The following ARHGAP44 variants were observed in gnomAD, a reference collection of about 807,000 sequenced individuals.
ARHGAP44 encodes rho GTPase-activating protein 44.
Under a neutral mutation model 106.8 loss-of-function variants are expected in ARHGAP44, and 43 were observed. The observed-to-expected ratio is 0.40, with a 90% CI of 0.32 to 0.52. ARHGAP44 has a LOEUF of 0.52. Among genes scored for constraint, ARHGAP44 ranks in the 20% least tolerant of loss-of-function variants. The pLI is 0.48. For synonymous variants in ARHGAP44, 439 were observed against 410.3 expected (o/e 1.07, Z -0.85); for missense variants, 866 against 1,050.5 (o/e 0.82, Z 2.43).
intron 1 of ARHGAP44, among the ~76,000 whole-genome samples, chr17:12,801,421 G>T (rs1394904169): frequency 2.6e-5 from 4 of 152,240 alleles, no homozygotes; most frequent in African/African-American, 4.8e-5. Flanking sequence ...CTCAGAGCAG[G>T]TGAGTGCCTT....
rs4402608 is a variant in ARHGAP44 at position 12,900,731 on chromosome 17, G to A, written c.198+4220G>A. Among the ~76,000 whole-genome samples, 537 of 152,072 alleles carry A rather than the reference G, an allele frequency of 3.5e-3. 4 individuals are homozygous for A. Among genetic ancestry groups the A allele is most frequent in the African/African-American group, 0.012 (514 of 41,512 alleles). Reference sequence around the variant, plus strand: ...CAAGCATCATACTCACAGTGCATTCGCTGCTCAGACCGTGTCTTAGTGCCA... The same window carrying A: ...CAAGCATCATACTCACAGTGCATTCACTGCTCAGACCGTGTCTTAGTGCCA... On this transcript the variant is annotated intron_variant, in intron 3 of 20. Coordinates refer to ENST00000379672, the MANE Select transcript of ARHGAP44 (RefSeq NM_014859.6).
In ARHGAP44 at chr17:12,974,285, C is replaced by T; in HGVS notation, c.1738C>T (p.Leu580Phe). Residue 580 changes from leucine to phenylalanine, a missense_variant, in exon 18 of 21, where the codon CTC becomes TTC. By Grantham distance (22) the Leu-to-Phe change is conservative (BLOSUM62 0). Coordinates refer to ENST00000379672, the MANE Select transcript of ARHGAP44 (RefSeq NM_014859.6). ...APALSPSGLG[L>F]QPGPERTSTT... The stretch of plus-strand genomic sequence containing the variant: ...CGCGCTCTCTCCATCCGGCCTGGGC[C>T]TCCAGCCTGGGCCCGAGCGCACCAG... The T allele has an allele frequency of 6.8e-7, 1 of 1,470,160 alleles. No individual in the cohort carries two copies. Among genetic ancestry groups the T allele is most frequent in the Non-Finnish European group, 9.0e-7 (1 of 1,116,768 alleles). 91.1% of individuals were successfully genotyped at this position (1,470,160 alleles called of 1,614,324 possible). A position where few individuals can be genotyped will look rare whatever the true frequency, so the allele number is the denominator to read the frequency against.
intron 1 of ARHGAP44, among the ~76,000 whole-genome samples, chr17:12,802,830 T>C (rs2034136618): frequency 7.4e-6 from 1 of 134,230 alleles, no homozygotes. Context: ...GTGAGCTCGG[T>C]CCACTGCAAC....
chr17:12,909,995 C>T (rs748612741), intron 4 of ARHGAP44, among the ~76,000 whole-genome samples: 1 of 152,112 alleles, frequency 6.6e-6, no homozygotes, highest in Non-Finnish European at 1.5e-5. Flanking sequence ...ACTATGTATT[C>T]GTCAGCCACA....
At chr17:12,927,777 A>T (rs1237924127) in intron 6 of ARHGAP44, among the ~76,000 whole-genome samples, 1 of 152,180 alleles carries the variant, frequency 6.6e-6, no homozygotes, top group African/African-American at 2.4e-5. Context: ...ACTTCCCAAG[A>T]CTAAAGCCAG....
rs531033166 is a variant in ARHGAP44, at chr17:12,958,975, T to C, written c.1523+78T>C. 1.9e-4 allele frequency: 277 copies of C among 1,492,274 alleles called. No individual in the cohort carries two copies. Among genetic ancestry groups the C allele is most frequent in the Non-Finnish European group, 2.0e-4 (225 of 1,098,198 alleles). 92.4% of individuals were successfully genotyped at this position (1,492,274 alleles called of 1,614,324 possible). Reference sequence around the variant, plus strand: ...GTGGATGGGTGACGCATAAGAAAAATACAATTACGGGAAGGCTGCACTGAC... The same window carrying C: ...GTGGATGGGTGACGCATAAGAAAAACACAATTACGGGAAGGCTGCACTGAC... On this transcript the variant is annotated intron_variant, in intron 16 of 20. Coordinates refer to ENST00000379672, the MANE Select transcript of ARHGAP44 (RefSeq NM_014859.6). This position sits in a 1 kb window ranked among gnomAD's most constrained non-coding sequence, Gnocchi z 4.1.
intron 2 of ARHGAP44, 89 bp from the exon 3 acceptor site, chr17:12,896,318 A>T: frequency 4.6e-6 from 5 of 1,090,736 alleles, no homozygotes; most frequent in Non-Finnish European, 5.3e-6. Context: ...GTCTCCATGG[A>T]AACATGAGTT....
intron 7 of ARHGAP44, among the ~76,000 whole-genome samples, chr17:12,931,288 T>C (rs886808976): frequency 1.3e-5 from 2 of 151,990 alleles, no homozygotes; most frequent in African/African-American, 4.8e-5. Context: ...GCCAGGCTGG[T>C]CACAAACTCC....
chr17:12,958,727 C>T lies in ARHGAP44; in HGVS notation c.1353C>T (p.Phe451=). The change falls in exon 16 of 21, where the codon TTC becomes TTT. Residue 451 remains phenylalanine (F), a synonymous_variant. Coordinates refer to ENST00000379672, the MANE Select transcript of ARHGAP44 (RefSeq NM_014859.6). The surrounding 1 kb of genome is among the most constrained non-coding windows in gnomAD (Gnocchi z 4.1). ...ADWFFPGEIE[F]NITGNYGSPV... ...CTTTCTTCCCCGCAGAGATAGAGTT[C>T]AACATTACTGGCAATTATGGGAGTC... is the stretch of plus-strand genomic sequence containing the variant. 1 of 1,613,752 alleles carries T rather than the reference C, an allele frequency of 6.2e-7. No individual in the cohort carries two copies. Among genetic ancestry groups the T allele is most frequent in the South Asian group, 1.1e-5 (1 of 91,014 alleles).
intron 5 of ARHGAP44, among the ~76,000 whole-genome samples, chr17:12,917,104 T>C (rs35221864): frequency 0.74 from 112,183 of 152,098 alleles, 41,690 homozygotes; most frequent in East Asian, 0.98. Flanking sequence ...GGACACTCCA[T>C]CTATATAAAA....
chr17:12,927,637 C>T (rs1173522899), intron 6 of ARHGAP44, among the ~76,000 whole-genome samples: 3 of 152,144 alleles, frequency 2.0e-5, no homozygotes, highest in African/African-American at 7.2e-5. Context: ...TCAGTTGAAA[C>T]ATCTGGCAAC....
Position 12,912,089 on chromosome 17 carries a change from G to C in ARHGAP44, c.275+3116G>C, listed in dbSNP as rs568882981. On this transcript the variant is annotated intron_variant, in intron 4 of 20. Coordinates refer to ENST00000379672, the MANE Select transcript of ARHGAP44 (RefSeq NM_014859.6). The stretch of plus-strand genomic sequence containing the variant: ...GAAAGTCTCTAACCTGAAACCTGGA[G>C]ACCAAAACAATTGGGTGGATACAAT... 6.2e-4 allele frequency among the ~76,000 whole-genome samples: 94 copies of C among 152,316 alleles called. 2 individuals are homozygous for C. The South Asian group carries it at 0.019, about 31-fold the overall frequency.
intron 1 of ARHGAP44, among the ~76,000 whole-genome samples, chr17:12,807,066 T>G (rs1312604006): frequency 6.6e-6 from 1 of 152,222 alleles, no homozygotes; most frequent in Non-Finnish European, 1.5e-5. Flanking sequence ...CAGCTTATAT[T>G]GGGTTGAGTT....
At chr17:12,820,167 C>T (rs1430609233) in intron 1 of ARHGAP44, among the ~76,000 whole-genome samples, 1 of 152,080 alleles carries the variant, frequency 6.6e-6, no homozygotes, top group African/African-American at 2.4e-5. Flanking sequence ...GCAGTTGACT[C>T]TGTCACAAAT....
chr17:12,975,545 TC>T (rs1305827008), intron 18 of ARHGAP44, among the ~76,000 whole-genome samples: 1 of 152,054 alleles, frequency 6.6e-6, no homozygotes, highest in Non-Finnish European at 1.5e-5. Flanking sequence ...ACGCCTGTAA[TC>T]CCAGCACTTT....
At chr17:12,914,311 T>C (rs999548272) in intron 4 of ARHGAP44, among the ~76,000 whole-genome samples, 3 of 152,212 alleles carry the variant, frequency 2.0e-5, no homozygotes, top group African/African-American at 7.2e-5. Context: ...CAATGGGAAC[T>C]CCCATTTGTG....
chr17:12,814,186 C>T (rs891165768), intron 1 of ARHGAP44, among the ~76,000 whole-genome samples: 1 of 150,938 alleles, frequency 6.6e-6, no homozygotes, highest in East Asian at 1.9e-4. Context: ...GGGGGCCTGC[C>T]AGGTCACACA....
At chr17:12,901,601 A>G (rs2037377741) in intron 3 of ARHGAP44, among the ~76,000 whole-genome samples, 1 of 152,076 alleles carries the variant, frequency 6.6e-6, no homozygotes. Flanking sequence ...ATGTGGGCGT[A>G]TGAAGAAGAG....
At chr17:12,905,896 T>G (rs754982109) in intron 3 of ARHGAP44, among the ~76,000 whole-genome samples, 13 of 152,214 alleles carry the variant, frequency 8.5e-5, no homozygotes, top group Non-Finnish European at 1.5e-4. Flanking sequence ...CACTGACTTG[T>G]CACTGAGGTA....
Sources: allele counts gnomAD v4.1 joint callset (sites outside exome capture counted in the v4.1 genomes callset), GRCh38; gene constraint gnomAD v4.1.1; non-coding constraint Gnocchi (gnomAD v3.1); transcripts MANE v1.5; gene names NCBI Gene and HGNC (gene_info 2026-07-23, HGNC 2026-07-21).